Variants in USH2A observed in about 807,000 individuals in gnomAD.
USH2A encodes the protein Usher syndrome 2A (autosomal recessive, mild).
Under a neutral mutation model 538.9 loss-of-function variants are expected in USH2A, and 443 were observed. The observed-to-expected ratio is 0.82, with a 90% CI of 0.76 to 0.89. The LOEUF is 0.89. USH2A is among the 40% of genes least tolerant of loss of function. The pLI, the probability that USH2A is intolerant of heterozygous loss-of-function variation, is 0.00. For synonymous variants in USH2A, 2,413 were observed against 2,273.5 expected, an observed-to-expected ratio of 1.06 and a Z score of -1.75; for missense variants, 6,633 against 6,324.8, an observed-to-expected ratio of 1.05 and a Z score of -1.65.
At chr1:215,922,457 C>A (rs1666126065) in intron 38 of USH2A, among the ~76,000 whole-genome samples, 1 of 152,094 alleles carries the variant, frequency 6.6e-6, no homozygotes, top group South Asian at 2.1e-4. Context: ...TATTCAAAGA[C>A]CAGTTGAGCA....
rs1424522729 is a variant in USH2A at position 216,046,507 on chromosome 1, A to G, written c.6249T>C (p.Gly2083=). The change falls in exon 32 of 72, where the codon GGT becomes GGC. Residue 2083 remains glycine, a synonymous_variant. Coordinates refer to ENST00000307340, the MANE Select transcript of USH2A (RefSeq NM_206933.4). Reference sequence around the variant, plus strand: ...TGTATAAACAGTACTGAGTTATAATACCATTTGCCTTTTTGGGTGGGTTCC... The same window carrying G: ...TGTATAAACAGTACTGAGTTATAATGCCATTTGCCTTTTTGGGTGGGTTCC... ...LSWNPPKKAN[G]IITQYCLYMD... is the part of the protein sequence containing the mutation. 1.2e-6 allele frequency: 2 copies of G among 1,613,886 alleles called. No individual in the cohort carries two copies. The highest frequency in any genetic ancestry group is 1.7e-6 in the Non-Finnish European group (2 of 1,179,816).
At position 215,888,711 on chromosome 1, in the gene USH2A, G is replaced by A. The variant is rs772771795; in HGVS notation, c.7938C>T (p.Pro2646=). The change falls in exon 41 of 72, where the codon CCC becomes CCT. Residue 2646 remains proline, a synonymous_variant. Transcript: ENST00000307340. The part of the protein sequence containing the change: ...TPTSVIISWQ[P]PTHPNGLVEN... ...CCACCAAGCCATTGGGGTGGGTAGG[G>A]GGTTGCCAAGATATAATCACAGATG... is the stretch of plus-strand genomic sequence containing the variant. 6.2e-7 allele frequency: 1 copy of A among 1,614,118 alleles called. No homozygotes were observed. Among genetic ancestry groups the A allele is most frequent in the Non-Finnish European group, 8.5e-7 (1 of 1,180,012 alleles).
chr1:216,255,935 A>G (rs1558347060), intron 11 of USH2A, among the ~76,000 whole-genome samples: 1 of 152,200 alleles, frequency 6.6e-6, no homozygotes, highest in East Asian at 1.9e-4. Context: ...AAGAATTGTT[A>G]TGTCCTATTG....
At chr1:215,799,740 C>A (rs780916869) in intron 49 of USH2A, among the ~76,000 whole-genome samples, 2 of 152,088 alleles carry the variant, frequency 1.3e-5, no homozygotes, top group African/African-American at 4.8e-5. Context: ...AATCCCAACA[C>A]TTTGGGAGGC....
intron 9 of USH2A, among the ~76,000 whole-genome samples, chr1:216,293,849 T>A (rs1268835202): frequency 6.6e-6 from 1 of 152,234 alleles, no homozygotes; most frequent in East Asian, 1.9e-4. Flanking sequence ...TGTGCATCTG[T>A]TATTTTATGT....
rs140922350 is a variant in USH2A, at chr1:216,072,917, A to G, written c.5829T>C (p.Asp1943=). The change falls in exon 29 of 72, where the codon GAT becomes GAC. Residue 1943 remains aspartate (D), a synonymous_variant. Transcript: ENST00000307340. ...CTCCTGTTGTACGTCCTCGACTCCA[A>G]TCACTATATACTGAACCTCCTTCAT... ...ASHEGGSVYS[D]WSRGRTTGAA... The G allele has an allele frequency of 2.4e-5, 38 of 1,613,832 alleles. No individual in the cohort carries two copies. The highest frequency in any genetic ancestry group is 3.3e-4 in the Middle Eastern group (2 of 6,082).
Position 215,674,568 on chromosome 1 carries a change from T to A in USH2A, c.13343A>T (p.Asp4448Val). 1 of 1,613,896 alleles carries A rather than the reference T, an allele frequency of 6.2e-7. No homozygotes were observed. The highest frequency in any genetic ancestry group is 8.5e-7 in the Non-Finnish European group (1 of 1,179,940). Residue 4448 changes from aspartate to valine, a missense_variant, in exon 63 of 72, where the codon GAC becomes GTC. Coordinates refer to ENST00000307340, the MANE Select transcript of USH2A (RefSeq NM_206933.4). Reference protein sequence around the residue: ...WTMEALPENMDSPTLQVTGSE... With the variant: ...WTMEALPENMVSPTLQVTGSE... ...GCCTGTGACTTGCAATGTTGGAGAG[T>A]CCATGTTCTCTGGCAGGGCCTCCAT...
At chr1:215,701,021 T>C (rs1658997903) in intron 61 of USH2A, among the ~76,000 whole-genome samples, 1 of 152,226 alleles carries the variant, frequency 6.6e-6, no homozygotes, top group Admixed American at 6.5e-5. Context: ...TTGTTCTCAT[T>C]GGTTTCAATG....
At chr1:216,140,880 A>AG (rs1291983569) in intron 21 of USH2A, among the ~76,000 whole-genome samples, 1 of 152,218 alleles carries the variant, frequency 6.6e-6, no homozygotes, top group African/African-American at 2.4e-5. Context: ...CCTGAGACAG[A>AG]GGGCTCTCAG....
intron 38 of USH2A, among the ~76,000 whole-genome samples, chr1:215,920,757 G>T (rs905821495): frequency 6.6e-6 from 1 of 152,010 alleles, no homozygotes; most frequent in Admixed American, 6.6e-5. Flanking sequence ...TAAGATACAC[G>T]CTTACTTGAT....
intron 38 of USH2A, among the ~76,000 whole-genome samples, chr1:215,909,094 A>G (rs1277544102): frequency 6.6e-6 from 1 of 151,310 alleles, no homozygotes; most frequent in Non-Finnish European, 1.5e-5. Flanking sequence ...GTGTGTATAT[A>G]TATAATAATT....
Position 216,338,487 on chromosome 1 carries a change from A to G in USH2A, c.785-10833T>C, listed in dbSNP as rs530036621. On this transcript the variant is annotated intron_variant, in intron 4 of 71. Transcript: ENST00000307340. ...TCAGAAAAAATAGAAGGCAATATAT[A>G]TCATGATAAAAGAGAATTTCTTAAG... is the stretch of plus-strand genomic sequence containing the variant. 5.9e-5 allele frequency among the ~76,000 whole-genome samples: 9 copies of G among 151,688 alleles called. No homozygotes were observed. The East Asian group carries it at 1.7e-3, about 29-fold the overall frequency.
intron 64 of USH2A, among the ~76,000 whole-genome samples, chr1:215,665,689 C>T (rs1657585061): frequency 6.6e-6 from 1 of 152,182 alleles, no homozygotes; most frequent in South Asian, 2.1e-4. Flanking sequence ...TTAAGAACTG[C>T]TCCACATAGA....
intron 3 of USH2A, among the ~76,000 whole-genome samples, chr1:216,387,727 A>C (rs1449628321): frequency 6.6e-6 from 1 of 152,180 alleles, no homozygotes; most frequent in African/African-American, 2.4e-5. Flanking sequence ...ATTTTATAGC[A>C]ACACTTCCAA....
Position 216,246,633 on chromosome 1 carries a change from G to C in USH2A, c.2761C>G (p.Leu921Val). The C allele has an allele frequency of 1.2e-6, 2 of 1,614,068 alleles. No homozygotes were observed. Among genetic ancestry groups the C allele is most frequent in the Non-Finnish European group, 1.7e-6 (2 of 1,179,972 alleles). ...CTTCCTTGACGATTAGGCACACACAGGCACTGGCCACTGATTGGGTCACAA... is the reference window on the plus strand; with the variant it reads ...CTTCCTTGACGATTAGGCACACACACGCACTGGCCACTGATTGGGTCACAA... ...TICDPISGQC[L>V]CVPNRQGRRC... Residue 921 changes from leucine to valine, a missense_variant, in exon 13 of 72, where the codon CTG (leucine) becomes GTG (valine). By Grantham distance (32) the Leu-to-Val change is conservative (BLOSUM62 1). Coordinates refer to ENST00000307340, the MANE Select transcript of USH2A (RefSeq NM_206933.4).
intron 24 of USH2A, 51 bp from the exon 25 acceptor site, chr1:216,084,928 C>A: frequency 6.3e-7 from 1 of 1,579,618 alleles, no homozygotes; most frequent in African/African-American, 1.4e-5. Context: ...AGATTATTTT[C>A]AAGCAATTAA....
chr1:215,900,658 C>A, intron 39 of USH2A, 97 bp downstream of exon 39: 1 of 1,506,946 alleles, frequency 6.6e-7, no homozygotes, highest in South Asian at 1.1e-5. Flanking sequence ...AAAAGGTAAC[C>A]TATATTTTTT....
chr1:216,183,920 A>G (rs570304502), intron 20 of USH2A, among the ~76,000 whole-genome samples: 14 of 152,178 alleles, frequency 9.2e-5, no homozygotes, highest in African/African-American at 2.9e-4. Flanking sequence ...AATATAACTT[A>G]AACATTGCTT....
At chr1:215,884,269 TAAAAC>T (rs1664992262) in intron 41 of USH2A, among the ~76,000 whole-genome samples, 1 of 152,214 alleles carries the variant, frequency 6.6e-6, no homozygotes, top group Non-Finnish European at 1.5e-5. Flanking sequence ...CAGTTTGAAA[TAAAAC>T]AAACAAAAAA....
Sources: gnomAD v4.1 joint callset for allele counts (sites outside exome capture counted in the v4.1 genomes callset) on GRCh38, gnomAD v4.1.1 for gene constraint, MANE v1.5 for transcripts, NCBI Gene and HGNC (gene_info 2026-07-23, HGNC 2026-07-21) for gene names.